TTLL13: variants seen among roughly 807,000 people sequenced by gnomAD.
TTLL13 encodes the protein tubulin polyglutamylase TTLL13.
chr15:90,263,185 A>G, the TTLL13 span: 1 of 1,473,866 alleles, frequency 6.8e-7, no homozygotes, highest in South Asian at 1.3e-5. Context: ...AAAAGGGAAC[A>G]AGGGCTGTCA....
the TTLL13 span, chr15:90,257,541 A>T: frequency 8.5e-7 from 1 of 1,181,048 alleles, no homozygotes; most frequent in Non-Finnish European, 1.2e-6. Flanking sequence ...GAGACGAGAG[A>T]TCCTCGGGAG....
chr15:90,256,412 C>T, the TTLL13 span: 1 of 1,319,814 alleles, frequency 7.6e-7, no homozygotes, highest in South Asian at 1.3e-5. Flanking sequence ...CCCACTAGCC[C>T]CGTTTTCCTG....
chr15:90,250,555 C>T, the TTLL13 span: 2 of 1,526,582 alleles, frequency 1.3e-6, no homozygotes, highest in Non-Finnish European at 1.8e-6. Context: ...TCCTTCAGGC[C>T]TTCTAGGGCC....
chr15:90,257,408 A>T, the TTLL13 span: 7 of 1,367,764 alleles, frequency 5.1e-6, no homozygotes, highest in African/African-American at 1.0e-4. Context: ...GAGCTGCAGC[A>T]TCTAGCTGGG....
the TTLL13 span, chr15:90,258,587 T>C: frequency 1.5e-6 from 1 of 659,336 alleles, no homozygotes; most frequent in Non-Finnish European, 2.6e-6. Context: ...GAGATCTCTA[T>C]GGCAGAGTTT....
chr15:90,256,575 T>C, the TTLL13 span, among the ~76,000 whole-genome samples: 1 of 31,936 alleles, frequency 3.1e-5, no homozygotes, highest in African/African-American at 1.2e-4. Flanking sequence ...CTTTCTTTCT[T>C]TCTTTCTTTC....
the TTLL13 span, chr15:90,262,082 C>T: frequency 4.6e-6 from 7 of 1,535,850 alleles, no homozygotes; most frequent in South Asian, 2.4e-5. Flanking sequence ...GGGAAAATAC[C>T]GGCGGATCTA....
the TTLL13 span, chr15:90,262,221 C>T: frequency 2.0e-6 from 3 of 1,494,844 alleles, no homozygotes; most frequent in Non-Finnish European, 2.7e-6. Flanking sequence ...CCTCTGCACA[C>T]CTAGGTGGGG....
chr15:90,253,463 T>G, the TTLL13 span: 1 of 789,208 alleles, frequency 1.3e-6, no homozygotes. Context: ...CTACTCTTTG[T>G]GGCTGTCCCC....
At chr15:90,264,864 T>A in the TTLL13 span, 1 of 1,536,084 alleles carries the variant, frequency 6.5e-7, no homozygotes, top group South Asian at 1.2e-5. Flanking sequence ...TTGCCCTCCA[T>A]GGTAAACTCT....
chr15:90,260,969 T>C, the TTLL13 span, among the ~76,000 whole-genome samples: 1 of 152,104 alleles, frequency 6.6e-6, no homozygotes, highest in Non-Finnish European at 1.5e-5. Flanking sequence ...CTGCCTCAGA[T>C]TCATGCTCAT....
the TTLL13 span, among the ~76,000 whole-genome samples, chr15:90,252,125 C>T: frequency 6.6e-6 from 1 of 151,236 alleles, no homozygotes; most frequent in Non-Finnish European, 1.5e-5. Flanking sequence ...CTGCAACCTC[C>T]ACCACCCAGG....
chr15:90,262,314 T>C, the TTLL13 span: 1 of 1,206,242 alleles, frequency 8.3e-7, no homozygotes, highest in East Asian at 2.6e-5. Flanking sequence ...ATAAATCCTA[T>C]CAGACTCTTA....
the TTLL13 span, chr15:90,253,223 C>A: frequency 6.3e-7 from 1 of 1,588,200 alleles, no homozygotes; most frequent in Non-Finnish European, 8.6e-7. Context: ...TCCATGCTGG[C>A]ACTACTGATC....
At chr15:90,257,856 C>T in the TTLL13 span, 2 of 991,954 alleles carry the variant, frequency 2.0e-6, no homozygotes, top group Middle Eastern at 3.1e-4. Context: ...TGTCCTGTGC[C>T]TGCACTTTGG....
At chr15:90,255,864 G>A in the TTLL13 span, 51 of 1,614,010 alleles carry the variant, frequency 3.2e-5, no homozygotes, top group South Asian at 1.9e-4. Flanking sequence ...ATCTTCCCCC[G>A]CACCTGGTGC....
chr15:90,258,405 C>A, the TTLL13 span: 1 of 777,726 alleles, frequency 1.3e-6, no homozygotes, highest in Non-Finnish European at 2.1e-6. Flanking sequence ...CAGGAATGAG[C>A]AGAAGGCATA....
At chr15:90,257,664 T>C in the TTLL13 span, 1 of 1,614,196 alleles carries the variant, frequency 6.2e-7, no homozygotes, top group Non-Finnish European at 8.5e-7. Context: ...CCTGACCAAC[T>C]ATGCTATCAA....
the TTLL13 span, chr15:90,253,194 C>A: frequency 1.4e-6 from 2 of 1,471,412 alleles, no homozygotes; most frequent in Non-Finnish European, 1.9e-6. Flanking sequence ...CTACACAGTT[C>A]CAGGGCTTGT....
Sources: allele counts gnomAD v4.1 joint callset (sites outside exome capture counted in the v4.1 genomes callset), GRCh38; gene constraint gnomAD v4.1.1; transcripts MANE v1.5; gene names NCBI Gene and HGNC (gene_info 2026-07-23, HGNC 2026-07-21).